The following CDIN1 variants were observed in gnomAD, a reference collection of about 807,000 sequenced individuals.
CDIN1 encodes the protein CDAN1 interacting nuclease 1.
A neutral mutation model predicts 45.3 loss-of-function variants in CDIN1; 33 were observed. That is an observed-to-expected ratio of 0.73 (90% CI 0.55 to 0.97). CDIN1 has a LOEUF of 0.97. Ranked by LOEUF, CDIN1 falls within the 50% of genes least tolerant of loss-of-function variation. CDIN1 has a pLI of 0.00. For missense variants in CDIN1, 303 were observed against 339.4 expected, an observed-to-expected ratio of 0.89 and a Z score of 0.84; for synonymous variants, 118 against 124.4, an observed-to-expected ratio of 0.95 and a Z score of 0.34.
At chr15:36,794,672 T>C (rs576096557) in intron 10 of CDIN1, among the ~76,000 whole-genome samples, 1 of 152,344 alleles carries the variant, frequency 6.6e-6, no homozygotes, top group African/African-American at 2.4e-5. Context: ...TGTACATGTA[T>C]ATTACATTTC....
intron 5 of CDIN1, among the ~76,000 whole-genome samples, chr15:36,689,664 G>A (rs1369296540): frequency 6.6e-6 from 1 of 152,154 alleles, no homozygotes; most frequent in Non-Finnish European, 1.5e-5. Context: ...TGGGAATACT[G>A]AGTTTCCCAG....
intron 1 of CDIN1, among the ~76,000 whole-genome samples, chr15:36,594,295 T>A (rs890497184): frequency 6.6e-6 from 1 of 152,086 alleles, no homozygotes; most frequent in Admixed American, 6.5e-5. Context: ...AAAATTTGAG[T>A]GACACTTTGA....
At chr15:36,611,715 G>A (rs2038657570) in intron 1 of CDIN1, among the ~76,000 whole-genome samples, 1 of 152,152 alleles carries the variant, frequency 6.6e-6, no homozygotes, top group Non-Finnish European at 1.5e-5. Flanking sequence ...TTTACTAAAC[G>A]GAATCGATCA....
chr15:36,603,225 T>C (rs1288909343), intron 1 of CDIN1, among the ~76,000 whole-genome samples: 1 of 152,298 alleles, frequency 6.6e-6, no homozygotes, highest in African/African-American at 2.4e-5. Flanking sequence ...TCCCCAAATG[T>C]AGACTGACTA....
intron 5 of CDIN1, among the ~76,000 whole-genome samples, chr15:36,662,246 A>G (rs2041044770): frequency 6.6e-6 from 1 of 152,240 alleles, no homozygotes; most frequent in Admixed American, 6.5e-5. Context: ...AATTTGCCGT[A>G]AAGATGAATG....
At chr15:36,651,446 T>G (rs753593923) in intron 3 of CDIN1, among the ~76,000 whole-genome samples, 2 of 152,230 alleles carry the variant, frequency 1.3e-5, no homozygotes, top group Non-Finnish European at 2.9e-5. Context: ...AGTATGTCCC[T>G]TTGATTACAT....
At chr15:36,656,083 C>T (rs1460753257) in intron 4 of CDIN1, among the ~76,000 whole-genome samples, 1 of 152,106 alleles carries the variant, frequency 6.6e-6, no homozygotes, top group African/African-American at 2.4e-5. Flanking sequence ...AAGAATAGCA[C>T]TTTTCTATGA....
At chr15:36,675,773 T>G (rs981080275) in intron 5 of CDIN1, among the ~76,000 whole-genome samples, 3 of 152,184 alleles carry the variant, frequency 2.0e-5, no homozygotes, top group African/African-American at 7.2e-5. Context: ...AATGAATAGC[T>G]CATTTGCTTG....
At chr15:36,716,251 C>T (rs1267143931) in intron 10 of CDIN1, among the ~76,000 whole-genome samples, 5 of 152,052 alleles carry the variant, frequency 3.3e-5, no homozygotes, top group Non-Finnish European at 7.4e-5. Context: ...AGAATGACTT[C>T]GTGTTGACAC....
chr15:36,714,217 G>C (rs1473757348), intron 10 of CDIN1, among the ~76,000 whole-genome samples: 10 of 152,088 alleles, frequency 6.6e-5, no homozygotes, highest in Admixed American at 6.5e-4. Context: ...TCATGAAATA[G>C]AGCATAAATG....
At chr15:36,717,934 T>C (rs572593417) in intron 10 of CDIN1, among the ~76,000 whole-genome samples, 2 of 152,270 alleles carry the variant, frequency 1.3e-5, no homozygotes, top group East Asian at 1.9e-4. Context: ...TGATAAATTA[T>C]ATTGAGAATC....
chr15:36,692,011 T>G, intron 6 of CDIN1, 115 bp from the exon 7 acceptor site: 1 of 1,062,528 alleles, frequency 9.4e-7, no homozygotes. Flanking sequence ...ATAGCTTTCT[T>G]TTTTTGGGGG....
chr15:36,699,913 A>G (rs1269894476), intron 8 of CDIN1, among the ~76,000 whole-genome samples: 2 of 152,184 alleles, frequency 1.3e-5, no homozygotes, highest in East Asian at 1.9e-4. Flanking sequence ...ACTTCCACAC[A>G]TAAGTATATT....
chr15:36,666,981 G>A (rs921655850), intron 5 of CDIN1, among the ~76,000 whole-genome samples: 1 of 152,172 alleles, frequency 6.6e-6, no homozygotes, highest in Admixed American at 6.5e-5. Context: ...TGAGGCAACC[G>A]AGGTACCCAG....
intron 10 of CDIN1, among the ~76,000 whole-genome samples, chr15:36,760,181 G>T: frequency 6.6e-6 from 1 of 152,034 alleles, no homozygotes; most frequent in East Asian, 1.9e-4. Flanking sequence ...ACCTGTAATG[G>T]GTATTTAGGA....
At chr15:36,762,015 A>G (rs920225410) in intron 10 of CDIN1, among the ~76,000 whole-genome samples, 1 of 152,182 alleles carries the variant, frequency 6.6e-6, no homozygotes, top group Non-Finnish European at 1.5e-5. Flanking sequence ...CCGGAAGTCT[A>G]TTGCAGGCAG....
At chr15:36,689,901 C>T (rs2140695043) in intron 5 of CDIN1, among the ~76,000 whole-genome samples, 1 of 152,252 alleles carries the variant, frequency 6.6e-6, no homozygotes, top group South Asian at 2.1e-4. Flanking sequence ...CTCTAGAGAC[C>T]ACACAAGAAC....
chr15:36,627,995 C>T (rs1174616987), intron 1 of CDIN1, among the ~76,000 whole-genome samples: 1 of 150,242 alleles, frequency 6.7e-6, no homozygotes, highest in African/African-American at 2.5e-5. Context: ...GGAACACTGG[C>T]TACAGTAAAT....
chr15:36,688,104 G>A (rs2042123763), intron 5 of CDIN1, among the ~76,000 whole-genome samples: 2 of 151,812 alleles, frequency 1.3e-5, no homozygotes, highest in African/African-American at 2.4e-5. Context: ...GAGTAATGTG[G>A]CAAACTCAAA....
Sources: gnomAD v4.1 joint callset for allele counts (sites outside exome capture counted in the v4.1 genomes callset) on GRCh38, gnomAD v4.1.1 for gene constraint, MANE v1.5 for transcripts, NCBI Gene and HGNC (gene_info 2026-07-23, HGNC 2026-07-21) for gene names.